The following TMEM17 variants were observed in gnomAD, a reference collection of about 807,000 sequenced individuals.
TMEM17 encodes the protein transmembrane protein 17.
A neutral mutation model predicts 19.1 loss-of-function variants in TMEM17; 15 were observed. The ratio of observed to expected loss-of-function variants is 0.78; its 90% CI spans 0.52 to 1.21. The LOEUF (loss-of-function observed/expected upper bound fraction) is 1.21, where lower values mean the gene tolerates loss of function less well. Ranked by LOEUF, TMEM17 falls within the 50% of genes most tolerant of loss-of-function variation. The pLI, the probability that TMEM17 is intolerant of heterozygous loss-of-function variation, is 0.00. For synonymous variants in TMEM17, 103 were observed against 86.9 expected, an observed-to-expected ratio of 1.19 and a Z score of -1.03; for missense variants, 245 against 242.3, an observed-to-expected ratio of 1.01 and a Z score of -0.07.
the TMEM17 span, among the ~76,000 whole-genome samples, chr2:62,476,823 C>CTGAG: frequency 6.6e-6 from 1 of 152,158 alleles, no homozygotes; most frequent in Non-Finnish European, 1.5e-5. Context: ...TTATTGCTTG[C>CTGAG]TGAGCTGTGT....
chr2:62,456,919 T>C, the TMEM17 span, among the ~76,000 whole-genome samples: 32 of 152,200 alleles, frequency 2.1e-4, no homozygotes, highest in Non-Finnish European at 3.5e-4. Flanking sequence ...GGACCAGAAC[T>C]TGGGGCCTCG....
At chr2:62,476,225 G>T in the TMEM17 span, among the ~76,000 whole-genome samples, 1 of 152,222 alleles carries the variant, frequency 6.6e-6, no homozygotes, top group South Asian at 2.1e-4. Flanking sequence ...GCAGAAAAAG[G>T]CTGGCTCCCT....
rs1679905248 is a variant in TMEM17, at chr2:62,500,697, C to G, written c.*512G>C. 1 of 152,236 alleles carries G rather than the reference C, an allele frequency of 6.6e-6. No individual in the cohort carries two copies. The highest frequency in any genetic ancestry group is 1.5e-5 in the Non-Finnish European group (1 of 68,302). The allele number at this position is 152,236 out of a possible 1,614,324, so 9.4% of individuals were successfully genotyped here. ...CTCGATCTTCTGACCTCATGATCTG[C>G]CCACCTCGGCCTCCCAAAGTGCTGG... On this transcript the variant is annotated 3_prime_UTR_variant, in exon 4 of 4. Coordinates refer to ENST00000335390, the MANE Select transcript of TMEM17 (RefSeq NM_198276.3).
chr2:62,502,405 C>G (rs1206544111), intron 3 of TMEM17, 32 bp downstream of exon 3: 5 of 1,415,308 alleles, frequency 3.5e-6, no homozygotes, highest in Non-Finnish European at 5.0e-6. Flanking sequence ...TCATTTATAT[C>G]TATCACTGAG....
At chr2:62,460,428 C>T in the TMEM17 span, among the ~76,000 whole-genome samples, 2 of 152,130 alleles carry the variant, frequency 1.3e-5, no homozygotes, top group African/African-American at 4.8e-5. Context: ...CACGGTGCTC[C>T]CACGTTTTTG....
the TMEM17 span, among the ~76,000 whole-genome samples, chr2:62,473,608 C>A: frequency 2.0e-5 from 3 of 151,912 alleles, no homozygotes; most frequent in East Asian, 5.8e-4. Flanking sequence ...CTTCCCCAGG[C>A]TTCTTGCTGA....
the TMEM17 span, among the ~76,000 whole-genome samples, chr2:62,494,061 A>G: frequency 0.022 from 3,355 of 152,280 alleles, 109 homozygotes; most frequent in African/African-American, 0.077. Flanking sequence ...CAGTCTTATC[A>G]TAAGGAATTG....
At chr2:62,454,314 G>A in the TMEM17 span, among the ~76,000 whole-genome samples, 6 of 152,168 alleles carry the variant, frequency 3.9e-5, no homozygotes, top group Non-Finnish European at 5.9e-5. Context: ...TGCCTCCCTC[G>A]TGGAAAGCAG....
chr2:62,482,128 C>A, the TMEM17 span, among the ~76,000 whole-genome samples: 3 of 152,214 alleles, frequency 2.0e-5, no homozygotes, highest in African/African-American at 7.2e-5. Context: ...TTGTGAGTGA[C>A]AAAATGGCTG....
At chr2:62,454,461 T>C in the TMEM17 span, among the ~76,000 whole-genome samples, 1 of 152,082 alleles carries the variant, frequency 6.6e-6, no homozygotes, top group Non-Finnish European at 1.5e-5. Flanking sequence ...ATGTAAAAGG[T>C]GGCACAATAT....
intron 1 of TMEM17, among the ~76,000 whole-genome samples, chr2:62,504,011 A>G (rs575445913): frequency 1.3e-5 from 2 of 152,258 alleles, no homozygotes; most frequent in Non-Finnish European, 2.9e-5. Context: ...GAGCAGACAC[A>G]TATATTGAAA....
chr2:62,457,110 G>A, the TMEM17 span, among the ~76,000 whole-genome samples: 2 of 152,220 alleles, frequency 1.3e-5, no homozygotes, highest in Non-Finnish European at 2.9e-5. The surrounding 1 kb of genome is among the most constrained non-coding windows in gnomAD (Gnocchi z 4.2). Flanking sequence ...TCTCTCGCGC[G>A]GCCAGCAGGG....
chr2:62,461,291 G>A, the TMEM17 span, among the ~76,000 whole-genome samples: 1 of 152,230 alleles, frequency 6.6e-6, no homozygotes, highest in East Asian at 1.9e-4. Flanking sequence ...GCCAAGGAAC[G>A]GGGGTTGGAG....
chr2:62,488,624 A>G, the TMEM17 span, among the ~76,000 whole-genome samples: 1 of 152,058 alleles, frequency 6.6e-6, no homozygotes, highest in Non-Finnish European at 1.5e-5. Flanking sequence ...GGTTCTCCCA[A>G]TAAGCTTAAT....
intron 1 of TMEM17, among the ~76,000 whole-genome samples, chr2:62,503,019 A>G (rs762249923): frequency 1.3e-5 from 2 of 152,152 alleles, no homozygotes; most frequent in African/African-American, 4.8e-5. Flanking sequence ...TTATTTTACC[A>G]TTTTGCCATT....
At chr2:62,485,455 A>T in the TMEM17 span, among the ~76,000 whole-genome samples, 1 of 152,250 alleles carries the variant, frequency 6.6e-6, no homozygotes, top group Non-Finnish European at 1.5e-5. Flanking sequence ...AGGAGATGAT[A>T]AAACTTCAAC....
the TMEM17 span, chr2:62,491,510 C>T: frequency 0.068 from 10,377 of 152,554 alleles, 409 homozygotes; most frequent in East Asian, 0.16. Flanking sequence ...CAACAAAAAA[C>T]CCTCAGTTAA....
At chr2:62,455,538 G>A in the TMEM17 span, among the ~76,000 whole-genome samples, 417 of 152,326 alleles carry the variant, frequency 2.7e-3, 8 homozygotes, top group Non-Finnish European at 6.3e-4. Flanking sequence ...AGGCCAAGGC[G>A]GGTGGATCAC....
chr2:62,461,012 T>C, the TMEM17 span, among the ~76,000 whole-genome samples: 2 of 152,076 alleles, frequency 1.3e-5, no homozygotes, highest in Non-Finnish European at 2.9e-5. Context: ...CCTTGAAAGA[T>C]GGGGATTTGG....
Sources: gnomAD v4.1 joint callset for allele counts (sites outside exome capture counted in the v4.1 genomes callset) on GRCh38, gnomAD v4.1.1 for gene constraint, Gnocchi (gnomAD v3.1) non-coding constraint, MANE v1.5 for transcripts, NCBI Gene and HGNC (gene_info 2026-07-23, HGNC 2026-07-21) for gene names.